The following MDGA2 variants were observed in gnomAD, a reference collection of about 807,000 sequenced individuals.
MDGA2 encodes the protein MAM domain-containing glycosylphosphatidylinositol anchor protein 2.
MDGA2 carries 40 observed loss-of-function variants against 117.8 expected under a neutral mutation model. That is an observed-to-expected ratio of 0.34 (90% CI 0.26 to 0.44). The LOEUF is 0.44. MDGA2 is among the 20% of genes least tolerant of loss of function. MDGA2 has a pLI of 1.00. For missense variants in MDGA2, 1,123 were observed against 1,250.6 expected (o/e 0.90, Z 1.54); for synonymous variants, 452 against 439.0 (o/e 1.03, Z -0.37).
chr14:47,269,076 G>A (rs1888059996), intron 2 of MDGA2, among the ~76,000 whole-genome samples: 1 of 152,120 alleles, frequency 6.6e-6, no homozygotes, highest in Non-Finnish European at 1.5e-5. Context: ...AGGCTCCAAT[G>A]GTAGGACTTG....
intron 1 of MDGA2, among the ~76,000 whole-genome samples, chr14:47,519,524 A>G (rs1317284612): frequency 6.6e-6 from 1 of 152,218 alleles, no homozygotes; most frequent in Non-Finnish European, 1.5e-5. Context: ...GTAATGCTTA[A>G]TGGAAATAGT....
chr14:47,132,466 G>C (rs2139155823), intron 4 of MDGA2, among the ~76,000 whole-genome samples: 1 of 152,010 alleles, frequency 6.6e-6, no homozygotes, highest in South Asian at 2.1e-4. Flanking sequence ...ATGTTCAAGA[G>C]TTTAAGGGGT....
At chr14:47,136,680 C>G (rs977929124) in intron 4 of MDGA2, among the ~76,000 whole-genome samples, 1 of 152,060 alleles carries the variant, frequency 6.6e-6, no homozygotes, top group African/African-American at 2.4e-5. Flanking sequence ...ATTGATCCTG[C>G]CTTTCCATTT....
At chr14:47,643,222 A>T (rs1224858109) in intron 1 of MDGA2, among the ~76,000 whole-genome samples, 1 of 152,092 alleles carries the variant, frequency 6.6e-6, no homozygotes, top group Non-Finnish European at 1.5e-5. Context: ...ATAAGCAAAA[A>T]ATTTTTAAAA....
At chr14:46,888,594 G>A (rs1882756209) in intron 10 of MDGA2, among the ~76,000 whole-genome samples, 1 of 151,722 alleles carries the variant, frequency 6.6e-6, no homozygotes, top group Non-Finnish European at 1.5e-5. Flanking sequence ...GTCTCAGGAG[G>A]AAAAAACATG....
intron 1 of MDGA2, among the ~76,000 whole-genome samples, chr14:47,519,844 C>T (rs1031678876): frequency 3.9e-5 from 6 of 151,944 alleles, no homozygotes; most frequent in Admixed American, 3.9e-4. Flanking sequence ...AGAGATAAAC[C>T]AAGAGTCCAA....
intron 4 of MDGA2, 129 bp from the exon 5 acceptor site, chr14:47,131,975 A>G: frequency 1.5e-6 from 1 of 658,470 alleles, no homozygotes; most frequent in South Asian, 5.8e-5. Context: ...GTCTTTTTTT[A>G]AGGGAAATGT....
At chr14:47,310,207 C>T (rs1889590424) in intron 1 of MDGA2, among the ~76,000 whole-genome samples, 1 of 151,950 alleles carries the variant, frequency 6.6e-6, no homozygotes, top group African/African-American at 2.4e-5. Context: ...CCTAAAACTT[C>T]AAAAACCCTT....
chr14:46,963,572 A>G (rs950717905), intron 8 of MDGA2, among the ~76,000 whole-genome samples: 1 of 152,140 alleles, frequency 6.6e-6, no homozygotes, highest in African/African-American at 2.4e-5. Context: ...TAGACCTCTA[A>G]TTTGTTCTTT....
rs1427049416 is a variant in MDGA2 at position 47,106,836 on chromosome 14, C to T, written c.926-9713G>A. Reference sequence around the variant, plus strand: ...CTTCCATAACTGTTGTGGGTATTGACGGCCAGGCTTCTAAACCTCTTAAAA... The same window carrying T: ...CTTCCATAACTGTTGTGGGTATTGATGGCCAGGCTTCTAAACCTCTTAAAA... On this transcript the variant is annotated intron_variant, in intron 5 of 16. Coordinates refer to ENST00000399232, the MANE Select transcript of MDGA2 (RefSeq NM_001113498.3). 2.8e-4 allele frequency among the ~76,000 whole-genome samples: 40 copies of T among 141,556 alleles called. No individual in the cohort carries two copies. The South Asian group carries it at 7.5e-3, about 27-fold the overall frequency. The allele number at this position is 141,556 out of a possible 152,430, so 92.9% of individuals were successfully genotyped here.
At chr14:46,957,297 T>A in intron 9 of MDGA2, 77 bp downstream of exon 9, 1 of 1,385,638 alleles carries the variant, frequency 7.2e-7, no homozygotes. Flanking sequence ...ATGTTTTCAT[T>A]CTTATATTGA....
intron 2 of MDGA2, among the ~76,000 whole-genome samples, chr14:47,243,837 C>G (rs1423964864): frequency 6.6e-6 from 1 of 151,752 alleles, no homozygotes; most frequent in African/African-American, 2.4e-5. Flanking sequence ...TTTTAAGTGG[C>G]GACTGGCAAC....
intron 8 of MDGA2, among the ~76,000 whole-genome samples, chr14:47,023,214 A>AG (rs1888356475): frequency 1.3e-5 from 2 of 150,872 alleles, no homozygotes; most frequent in Admixed American, 6.6e-5. Flanking sequence ...AAAAAAAAAA[A>AG]AAAGAAAAAG....
chr14:47,629,418 A>C (rs1897213203), intron 1 of MDGA2, among the ~76,000 whole-genome samples: 1 of 152,216 alleles, frequency 6.6e-6, no homozygotes, highest in African/African-American at 2.4e-5. Flanking sequence ...TACATTATTG[A>C]AAACAGTTGT....
chr14:47,130,680 C>A lies in MDGA2; in HGVS notation c.925+1034G>T, dbSNP rs192744566. On this transcript the variant is annotated intron_variant, in intron 5 of 16. Transcript: ENST00000399232. ...TAAAGTGTGTTTCACATGCTTTATA[C>A]GTATCCACTCATTAATTCTTTCTAC... Among the ~76,000 whole-genome samples, 977 of 152,176 alleles carry A rather than the reference C, an allele frequency of 6.4e-3. 6 individuals carry two copies. Among genetic ancestry groups the A allele is most frequent in the Non-Finnish European group, 0.011 (759 of 68,008 alleles).
At chr14:47,419,468 T>A (rs1463949641) in intron 1 of MDGA2, among the ~76,000 whole-genome samples, 1 of 152,126 alleles carries the variant, frequency 6.6e-6, no homozygotes, top group Non-Finnish European at 1.5e-5. Context: ...GAAAAATGTA[T>A]AAAATATTTC....
At chr14:47,668,176 T>C (rs1898010875) in intron 1 of MDGA2, among the ~76,000 whole-genome samples, 1 of 152,092 alleles carries the variant, frequency 6.6e-6, no homozygotes, top group South Asian at 2.1e-4. Flanking sequence ...TTTTTAAAAA[T>C]GTAAGATTAG....
chr14:47,023,296 A>C (rs1177090840), intron 8 of MDGA2, among the ~76,000 whole-genome samples: 1 of 152,076 alleles, frequency 6.6e-6, no homozygotes, highest in Non-Finnish European at 1.5e-5. Context: ...AGGTTGTAAA[A>C]ATAGTAGGAA....
chr14:47,009,574 T>C (rs750945836), intron 8 of MDGA2, among the ~76,000 whole-genome samples: 8 of 152,078 alleles, frequency 5.3e-5, no homozygotes, highest in African/African-American at 1.2e-4. Context: ...GGCAGATCTA[T>C]AGCAACTAGG....
Sources: allele counts gnomAD v4.1 joint callset (sites outside exome capture counted in the v4.1 genomes callset), GRCh38; gene constraint gnomAD v4.1.1; transcripts MANE v1.5; gene names NCBI Gene and HGNC (gene_info 2026-07-23, HGNC 2026-07-21).